NAV1: variants seen among roughly 807,000 people sequenced by gnomAD.
NAV1 encodes neuron navigator 1, also known as pore membrane and/or filament interacting like protein 3.
NAV1 carries 18 observed loss-of-function variants against 175.2 expected under a neutral mutation model. The observed-to-expected ratio is 0.10, with a 90% CI of 0.07 to 0.15. The LOEUF (loss-of-function observed/expected upper bound fraction) is 0.15. NAV1 is among the 10% of genes least tolerant of loss of function. The pLI is 1.00. For synonymous variants in NAV1, 897 were observed against 978.7 expected, an observed-to-expected ratio of 0.92 and a Z score of 1.56; for missense variants, 1,731 against 2,436.6, an observed-to-expected ratio of 0.71 and a Z score of 6.10.
chr1:201,715,926 G>T lies in NAV1; in HGVS notation c.861-2464G>T, dbSNP rs532490974. 2.0e-5 allele frequency among the ~76,000 whole-genome samples: 3 copies of T among 152,268 alleles called. No individual in the cohort carries two copies. In the South Asian group the frequency reaches 6.2e-4, roughly 32 times the overall value. ...AGGCAAGCCTGAAGGGTGGGTGCAGGGCTGGAATTCAAGAACTGAGGATCT... is the reference window on the plus strand; with the variant it reads ...AGGCAAGCCTGAAGGGTGGGTGCAGTGCTGGAATTCAAGAACTGAGGATCT... On this transcript the variant is annotated intron_variant, in intron 2 of 29. Transcript: ENST00000367296.
intron 1 of NAV1, among the ~76,000 whole-genome samples, chr1:201,682,789 T>A (rs1443823115): frequency 6.6e-6 from 1 of 152,168 alleles, no homozygotes; most frequent in Non-Finnish European, 1.5e-5. Context: ...CAACTGTGTA[T>A]CAACCTGGCT....
rs146672372 is a variant in NAV1 at position 201,776,589 on chromosome 1, C to T, written c.1227-3832C>T. Among the ~76,000 whole-genome samples, 1,282 of 150,302 alleles carry T rather than the reference C, an allele frequency of 8.5e-3. 13 individuals carry two copies. The highest frequency in any genetic ancestry group is 0.03 in the African/African-American group (1,218 of 40,802). On this transcript the variant is annotated intron_variant, in intron 3 of 29. Coordinates refer to ENST00000367296, the Ensembl canonical transcript of NAV1. ...CCAGGGGACGGAGGTTGCAGTGAGC[C>T]CAGATTGCACCACTGCACTCTAGCC...
At chr1:201,631,511 A>G (rs1406414548) in intron 2 of NAV1, among the ~76,000 whole-genome samples, 1 of 152,234 alleles carries the variant, frequency 6.6e-6, no homozygotes, top group African/African-American at 2.4e-5. Context: ...AAGACAAATA[A>G]GACTTTGACC....
At chr1:201,780,498 G>A (rs1676250832) in exon 4 of NAV1, 1 of 1,614,182 alleles carries the variant, frequency 6.2e-7, no homozygotes, top group Non-Finnish European at 8.5e-7. Context: ...TTCAATGCCA[G>A]CTCCTCACTC....
At chr1:201,809,767 C>T (rs978059940) in intron 22 of NAV1, among the ~76,000 whole-genome samples, 179 bp from the exon 27 acceptor site, 8 of 152,132 alleles carry the variant, frequency 5.3e-5, no homozygotes, top group African/African-American at 7.2e-5. Flanking sequence ...GATATTAAAC[C>T]GTCCAGGCAC....
At chr1:201,636,104 C>G (rs1253256155) in intron 2 of NAV1, among the ~76,000 whole-genome samples, 1 of 152,262 alleles carries the variant, frequency 6.6e-6, no homozygotes, top group Non-Finnish European at 1.5e-5. Flanking sequence ...TTGCCCCATG[C>G]CTGGGCAGAG....
At chr1:201,772,593 C>A (rs1446453394) in intron 3 of NAV1, among the ~76,000 whole-genome samples, 1 of 152,148 alleles carries the variant, frequency 6.6e-6, no homozygotes, top group Non-Finnish European at 1.5e-5. Context: ...ATCATTCCTT[C>A]CTCTGTATTG....
intron 3 of NAV1, among the ~76,000 whole-genome samples, chr1:201,732,201 T>C (rs575319366): frequency 6.6e-6 from 1 of 152,194 alleles, no homozygotes; most frequent in South Asian, 2.1e-4. Flanking sequence ...CCTTGACTTC[T>C]TGGGCCCAAG....
chr1:201,671,935 T>C (rs1211729341), intron 1 of NAV1, among the ~76,000 whole-genome samples: 1 of 152,198 alleles, frequency 6.6e-6, no homozygotes, highest in African/African-American at 2.4e-5. Flanking sequence ...GTCAGAGATA[T>C]AAGACTCTCT....
At chr1:201,765,771 A>G (rs1383759303) in intron 3 of NAV1, among the ~76,000 whole-genome samples, 1 of 152,190 alleles carries the variant, frequency 6.6e-6, no homozygotes, top group Non-Finnish European at 1.5e-5. Flanking sequence ...TTCATTACCT[A>G]GGTGTTGCAA....
intron 3 of NAV1, among the ~76,000 whole-genome samples, chr1:201,754,510 G>C (rs943002332): frequency 1.4e-4 from 22 of 152,220 alleles, no homozygotes; most frequent in Non-Finnish European, 5.9e-5. Flanking sequence ...TTGCCAAAGA[G>C]ATTTCAGTGA....
chr1:201,601,981 C>T (rs1417912214), intron 2 of NAV1, among the ~76,000 whole-genome samples: 1 of 152,176 alleles, frequency 6.6e-6, no homozygotes, highest in East Asian at 1.9e-4. Flanking sequence ...TTATCAGCTG[C>T]CCCCTCTCTG....
At chr1:201,592,383 C>T (rs1420716467) in intron 2 of NAV1, among the ~76,000 whole-genome samples, 2 of 152,154 alleles carry the variant, frequency 1.3e-5, no homozygotes, top group African/African-American at 4.8e-5. Context: ...AAGCAGAACT[C>T]CATCACCCAC....
chr1:201,776,640 C>CAA (rs34504688), intron 3 of NAV1, among the ~76,000 whole-genome samples: 7 of 97,094 alleles, frequency 7.2e-5, no homozygotes, highest in Admixed American at 1.0e-4. Context: ...GACTCCATCT[C>CAA]AAAAAAAAAA....
chr1:201,559,468 C>T (rs966938693), intron 1 of NAV1, among the ~76,000 whole-genome samples: 7 of 152,168 alleles, frequency 4.6e-5, no homozygotes, highest in African/African-American at 1.4e-4. Flanking sequence ...CTTAGAGTTA[C>T]GACTGGGAGC....
chr1:201,688,790 G>A (rs1008554665), intron 1 of NAV1, among the ~76,000 whole-genome samples: 3 of 152,204 alleles, frequency 2.0e-5, no homozygotes, highest in Admixed American at 1.3e-4. Context: ...GGAGTCAAAT[G>A]TCCTTTTATC....
At position 201,812,759 on chromosome 1, in the gene NAV1, C is replaced by G; in HGVS notation, c.5221+98C>G. 8.8e-7 allele frequency: 1 copy of G among 1,130,126 alleles called. No homozygotes were observed. Among genetic ancestry groups the G allele is most frequent in the South Asian group, 1.4e-5 (1 of 70,044 alleles). 70.0% of individuals were successfully genotyped at this position (1,130,126 alleles called of 1,614,324 possible). A position where few individuals can be genotyped will look rare whatever the true frequency, so the allele number is the denominator to read the frequency against. The stretch of plus-strand genomic sequence containing the variant: ...TCCCTTCTCTTCCTGGAGTCTTCGG[C>G]ATGTAAAGGAGCTGCAAGCCTTGTG... On this transcript the variant is annotated intron_variant, in intron 27 of 29. Transcript: ENST00000367296. The surrounding 1 kb of genome is among the most constrained non-coding windows in gnomAD (Gnocchi z 4.6).
At chr1:201,550,828 C>G (rs747881445) in intron 1 of NAV1, among the ~76,000 whole-genome samples, 1 of 152,188 alleles carries the variant, frequency 6.6e-6, no homozygotes, top group African/African-American at 2.4e-5. Flanking sequence ...AAGGGCCTCT[C>G]GGCAAATGTT....
intron 3 of NAV1, among the ~76,000 whole-genome samples, chr1:201,765,830 T>C (rs1675181598): frequency 6.6e-6 from 1 of 152,260 alleles, no homozygotes; most frequent in Non-Finnish European, 1.5e-5. Context: ...CTATTTTTTC[T>C]GATTTTTTAA....
Sources: allele counts gnomAD v4.1 joint callset (sites outside exome capture counted in the v4.1 genomes callset), GRCh38; gene constraint gnomAD v4.1.1; non-coding constraint Gnocchi (gnomAD v3.1); transcripts MANE v1.5; gene names NCBI Gene and HGNC (gene_info 2026-07-23, HGNC 2026-07-21).